Variants in ABCC1 observed in about 807,000 individuals in gnomAD.
ABCC1 encodes the protein ATP binding cassette subfamily C member 1 (ABCC1 blood group).
Under a neutral mutation model 172.9 loss-of-function variants are expected in ABCC1, and 83 were observed. That is an observed-to-expected ratio of 0.48 (90% CI 0.40 to 0.58). The LOEUF (loss-of-function observed/expected upper bound fraction) is 0.58, where lower values mean the gene tolerates loss of function less well. ABCC1 is among the 20% of genes least tolerant of loss of function. The pLI is 0.00. For synonymous variants in ABCC1, 937 were observed against 825.2 expected (o/e 1.14, Z -2.32); for missense variants, 1,817 against 2,002.7 (o/e 0.91, Z 1.77).
At chr16:16,055,418 C>T (rs1468182751) in intron 11 of ABCC1, among the ~76,000 whole-genome samples, 1 of 151,960 alleles carries the variant, frequency 6.6e-6, no homozygotes, top group Non-Finnish European at 1.5e-5. Flanking sequence ...GGCGTGGTGG[C>T]AGGCGTTTAT....
chr16:16,102,644 G>C lies in ABCC1; in HGVS notation c.2662G>C (p.Gly888Arg). Residue 888 changes from glycine to arginine, a missense_variant, in exon 20 of 31, where the codon GGT becomes CGT. Physicochemically the swap from Gly to Arg is moderately radical, Grantham distance 125. This residue lies in a region of ABCC1 where 1,412 missense variants were observed against 1,600.3 expected (regional missense o/e 0.88). Coordinates refer to ENST00000399410, the MANE Select transcript of ABCC1 (RefSeq NM_004996.4). ...AEENGVTGVS[G>R]PGKEAKQMEN... ...TCTGCCAGGGGTCACGGGCGTCAGC[G>C]GTCCAGGGAAGGAAGCAAAGCAAAT... The C allele has an allele frequency of 6.3e-7, 1 of 1,585,846 alleles. No individual in the cohort carries two copies. The highest frequency in any genetic ancestry group is 1.3e-5 in the African/African-American group (1 of 74,560).
rs77428024 is a variant in ABCC1, at chr16:16,048,158, A to G, written c.1235A>G (p.Asn412Ser). Residue 412 changes from asparagine (N) to serine (S), a missense_variant, in exon 10 of 31, where the codon AAT becomes AGT. Coordinates refer to ENST00000399410, the MANE Select transcript of ABCC1 (RefSeq NM_004996.4). ...GTCCCACAGGCCCTGGTGATCACCA[A>G]TTCAGCCAGAAAATCCTCCACGGTC... ...AVYRKALVITNSARKSSTVGE... is the reference protein window; with the variant it reads ...AVYRKALVITSSARKSSTVGE... 419 of 1,614,104 alleles carry G rather than the reference A, an allele frequency of 2.6e-4. No individual in the cohort carries two copies. The highest frequency in any genetic ancestry group is 1.9e-3 in the African/African-American group (144 of 75,020).
chr16:15,967,299 A>G (rs987703172), intron 1 of ABCC1, among the ~76,000 whole-genome samples: 1 of 152,066 alleles, frequency 6.6e-6, no homozygotes, highest in Non-Finnish European at 1.5e-5. Flanking sequence ...TAGACGATTC[A>G]GGTTAATTCA....
intron 2 of ABCC1, 137 bp downstream of exon 2, chr16:16,008,129 G>A: frequency 2.1e-6 from 2 of 937,502 alleles, no homozygotes; most frequent in Non-Finnish European, 3.1e-6. Flanking sequence ...AGAATAATGT[G>A]GGAGGTGAAA....
chr16:16,061,701 T>G lies in ABCC1; in HGVS notation c.1677+5406T>G, dbSNP rs2283516. Among the ~76,000 whole-genome samples, 345 of 152,230 alleles carry G rather than the reference T, an allele frequency of 2.3e-3. 10 individuals are homozygous for G. In the East Asian group the frequency reaches 0.057, roughly 25 times the overall value. ...GTTATGGTTACTTGATTCTGTTTAC[T>G]TTACTTTTATACAAGTGATAGTAAG... On this transcript the variant is annotated intron_variant, in intron 12 of 30. Transcript: ENST00000399410.
At chr16:16,125,664 C>T (rs2152120627) in intron 25 of ABCC1, 146 bp from the exon 26 acceptor site, 1 of 590,120 alleles carries the variant, frequency 1.7e-6, no homozygotes, top group East Asian at 2.8e-5. Context: ...AACCCCTGAC[C>T]TCAGGTGATC....
intron 20 of ABCC1, among the ~76,000 whole-genome samples, chr16:16,104,771 G>A (rs770561917): frequency 1.3e-5 from 2 of 152,178 alleles, no homozygotes; most frequent in Non-Finnish European, 1.5e-5. Context: ...GCGGGGAGGT[G>A]GGGAGGCTCA....
intron 1 of ABCC1, among the ~76,000 whole-genome samples, chr16:15,966,380 C>A (rs1191422740): frequency 6.7e-6 from 1 of 149,638 alleles, no homozygotes; most frequent in Non-Finnish European, 1.5e-5. Context: ...CCACTGCACT[C>A]CAGCCTGGGT....
chr16:16,132,521 T>TTTTTG (rs2045740638), intron 27 of ABCC1, among the ~76,000 whole-genome samples: 1 of 93,922 alleles, frequency 1.1e-5, no homozygotes, highest in Non-Finnish European at 2.3e-5. Flanking sequence ...TTTTTTTTTT[T>TTTTTG]TTTTTTTTTT....
intron 1 of ABCC1, among the ~76,000 whole-genome samples, chr16:16,006,140 T>C (rs1408640652): frequency 1.3e-5 from 2 of 152,168 alleles, no homozygotes; most frequent in Non-Finnish European, 2.9e-5. Context: ...GGGAAACCTA[T>C]TTTGTACTTC....
intron 11 of ABCC1, among the ~76,000 whole-genome samples, chr16:16,053,215 A>G (rs2049504454): frequency 6.6e-6 from 1 of 151,264 alleles, no homozygotes; most frequent in Non-Finnish European, 1.5e-5. Flanking sequence ...AGTACAAATT[A>G]CCCCCTACTT....
intron 1 of ABCC1, among the ~76,000 whole-genome samples, chr16:15,971,403 G>T (rs996944317): frequency 6.6e-6 from 1 of 152,194 alleles, no homozygotes; most frequent in Admixed American, 6.5e-5. Flanking sequence ...CTAATGGCTT[G>T]CATTTGCATA....
chr16:16,050,580 A>C (rs568347831), intron 10 of ABCC1, among the ~76,000 whole-genome samples: 1 of 152,074 alleles, frequency 6.6e-6, no homozygotes, highest in Non-Finnish European at 1.5e-5. Context: ...CTCAGAAAAA[A>C]CACCAGAATT....
intron 11 of ABCC1, among the ~76,000 whole-genome samples, chr16:16,054,419 A>G (rs2049565027): frequency 6.6e-6 from 1 of 152,052 alleles, no homozygotes; most frequent in African/African-American, 2.4e-5. Flanking sequence ...TCATTCTTCC[A>G]ACCCGGTGCC....
intron 12 of ABCC1, among the ~76,000 whole-genome samples, chr16:16,066,902 CA>C (rs59774947): frequency 0.8 from 117,214 of 146,938 alleles, 46,603 homozygotes; most frequent in Non-Finnish European, 0.83. Flanking sequence ...GACTGTGTCT[CA>C]AAAAAAAAAA....
At chr16:16,066,472 C>T (rs1190756509) in intron 12 of ABCC1, among the ~76,000 whole-genome samples, 3 of 151,964 alleles carry the variant, frequency 2.0e-5, no homozygotes, top group Non-Finnish European at 4.4e-5. Context: ...TGAGCCACCC[C>T]GCCTGGCCAT....
intron 26 of ABCC1, among the ~76,000 whole-genome samples, chr16:16,129,368 G>T (rs1190406899): frequency 6.6e-6 from 1 of 151,958 alleles, no homozygotes; most frequent in African/African-American, 2.4e-5. Flanking sequence ...TTATTTTTTG[G>T]CCAGGCGCGG....
chr16:16,033,724 A>G (rs1390007326), intron 6 of ABCC1, among the ~76,000 whole-genome samples: 1 of 152,020 alleles, frequency 6.6e-6, no homozygotes, highest in African/African-American at 2.4e-5. Flanking sequence ...CCCAGGTTCA[A>G]GCGATTCTCC....
At chr16:15,967,027 C>T (rs2046258704) in intron 1 of ABCC1, among the ~76,000 whole-genome samples, 1 of 152,048 alleles carries the variant, frequency 6.6e-6, no homozygotes, top group African/African-American at 2.4e-5. Flanking sequence ...TGGTCCCCTG[C>T]CCCCTGAGAT....
Sources: allele counts gnomAD v4.1 joint callset (sites outside exome capture counted in the v4.1 genomes callset), GRCh38; gene constraint gnomAD v4.1.1; regional missense constraint gnomAD v4.1.1; transcripts MANE v1.5; gene names NCBI Gene and HGNC (gene_info 2026-07-23, HGNC 2026-07-21).